CSMD1: variants seen among roughly 807,000 people sequenced by gnomAD.
CSMD1 encodes CUB and sushi domain-containing protein 1.
In CSMD1, 213 loss-of-function variants were observed where a neutral mutation model predicts 417.5. The ratio of observed to expected loss-of-function variants is 0.51; its 90% CI spans 0.46 to 0.57. The LOEUF (loss-of-function observed/expected upper bound fraction) is 0.57. CSMD1 is among the 20% of genes least tolerant of loss of function. The probability of loss-of-function intolerance (pLI) is 0.00; values close to 1 mark genes in which losing one functional copy is unlikely to be tolerated. For synonymous variants in CSMD1, 2,862 were observed against 1,736.8 expected (o/e 1.65, Z -16.11); for missense variants, 6,923 against 4,529.7 (o/e 1.53, Z -15.17).
At chr8:4,678,215 A>G (rs1805817311) in intron 1 of CSMD1, among the ~76,000 whole-genome samples, 1 of 151,458 alleles carries the variant, frequency 6.6e-6, no homozygotes, top group South Asian at 2.1e-4. Flanking sequence ...GTTCGAGGTC[A>G]GCCTGGCCAA....
chr8:3,280,211 A>T (rs1322329058), intron 26 of CSMD1, among the ~76,000 whole-genome samples: 2 of 152,190 alleles, frequency 1.3e-5, no homozygotes, highest in Non-Finnish European at 2.9e-5. Flanking sequence ...TTAAAGGAAG[A>T]GAAAGTAGTA....
chr8:2,999,813 T>G (rs1178131226), intron 53 of CSMD1, 145 bp downstream of exon 53: 1 of 632,514 alleles, frequency 1.6e-6, no homozygotes, highest in African/African-American at 1.9e-5. Context: ...ACCTCTCCTG[T>G]TCTCTTTCTT....
At position 3,609,451 on chromosome 8, in the gene CSMD1, C is replaced by T. The variant is rs145895709; in HGVS notation, c.1097+7259G>A. Reference sequence around the variant, plus strand: ...ACTGACTTGAATTCAAATAAGCAAGCTTTGTATTTTATGCTTTATTTTCTT... The same window carrying T: ...ACTGACTTGAATTCAAATAAGCAAGTTTTGTATTTTATGCTTTATTTTCTT... On this transcript the variant is annotated intron_variant, in intron 8 of 69. Transcript: ENST00000635120. Among the ~76,000 whole-genome samples the T allele has an allele frequency of 6.6e-3, 1,008 of 152,186 alleles. 6 individuals carry two copies. Among genetic ancestry groups the T allele is most frequent in the South Asian group, 0.015 (73 of 4,818 alleles).
At chr8:3,064,494 G>A (rs1028188549) in intron 49 of CSMD1, among the ~76,000 whole-genome samples, 1 of 152,206 alleles carries the variant, frequency 6.6e-6, no homozygotes, top group African/African-American at 2.4e-5. Flanking sequence ...AGAACTGTGA[G>A]TCAATTAGGC....
intron 23 of CSMD1, among the ~76,000 whole-genome samples, chr8:3,311,791 A>C (rs1584979130): frequency 6.7e-6 from 1 of 149,916 alleles, no homozygotes; most frequent in East Asian, 1.9e-4. Context: ...TATCAATCAT[A>C]AGAGATTTTC....
chr8:3,174,418 C>T (rs1185790612), intron 37 of CSMD1, among the ~76,000 whole-genome samples: 3 of 152,118 alleles, frequency 2.0e-5, no homozygotes, highest in Non-Finnish European at 2.9e-5. Context: ...TTGCTTGAAC[C>T]CAAGAGGTTG....
chr8:4,173,919 G>A (rs2656281), intron 3 of CSMD1, among the ~76,000 whole-genome samples: 26,560 of 152,012 alleles, frequency 0.17, 2,549 homozygotes, highest in East Asian at 0.29. Flanking sequence ...ATGGCTCAGG[G>A]TATGAACTAG....
At chr8:4,253,932 T>A (rs75949348) in intron 3 of CSMD1, among the ~76,000 whole-genome samples, 12,241 of 141,270 alleles carry the variant, frequency 0.087, 732 homozygotes, top group East Asian at 0.32. Flanking sequence ...TTTTTTTTTT[T>A]TTGAGATGGA....
intron 1 of CSMD1, among the ~76,000 whole-genome samples, chr8:4,700,675 C>G (rs901323712): frequency 7.2e-5 from 11 of 152,036 alleles, no homozygotes; most frequent in African/African-American, 2.4e-4. Context: ...AGAGAATATA[C>G]TATATTCTAC....
In CSMD1 at chr8:4,933,333, G is replaced by C. The variant is rs11995104; in HGVS notation, c.85+60999C>G. 1.2e-3 allele frequency among the ~76,000 whole-genome samples: 185 copies of C among 152,216 alleles called. 1 individual carries two copies. Among genetic ancestry groups the C allele is most frequent in the African/African-American group, 4.3e-3 (179 of 41,534 alleles). ...CTGTATAATCATGCATTAATATGCC[G>C]TTTAAATATAGTATCCCCCATTTTG... On this transcript the variant is annotated intron_variant, in intron 1 of 69. Transcript: ENST00000635120.
chr8:3,954,546 T>C (rs922710755), intron 5 of CSMD1, among the ~76,000 whole-genome samples: 4 of 152,164 alleles, frequency 2.6e-5, no homozygotes, highest in African/African-American at 9.7e-5. Context: ...TTTTTGTATT[T>C]TTAGTAGAGA....
intron 5 of CSMD1, among the ~76,000 whole-genome samples, chr8:3,790,342 GTGA>G (rs969405945): frequency 6.6e-6 from 1 of 152,054 alleles, no homozygotes; most frequent in Non-Finnish European, 1.5e-5. Flanking sequence ...GATGGTGATG[GTGA>G]TGATGATGGT....
chr8:4,283,871 G>A lies in CSMD1; in HGVS notation c.415+136082C>T, dbSNP rs1270155976. On this transcript the variant is annotated intron_variant, in intron 3 of 69. Transcript: ENST00000635120. ...AACAGTTTCATGTGCTGACCTCCAG[G>A]TCTTTCTCCATGTCTTATACATACA... Among the ~76,000 whole-genome samples, 5 of 152,136 alleles carry A rather than the reference G, an allele frequency of 3.3e-5. No individual in the cohort carries two copies. The East Asian group carries it at 5.8e-4, about 18-fold the overall frequency.
At chr8:4,041,409 C>CT (rs1797888502) in intron 3 of CSMD1, among the ~76,000 whole-genome samples, 1 of 152,188 alleles carries the variant, frequency 6.6e-6, no homozygotes, top group Non-Finnish European at 1.5e-5. Context: ...ATCAAGCTTA[C>CT]TACTACGAAA....
intron 41 of CSMD1, among the ~76,000 whole-genome samples, chr8:3,121,951 C>A (rs1817236721): frequency 6.6e-6 from 1 of 152,006 alleles, no homozygotes; most frequent in African/African-American, 2.4e-5. Context: ...TTATAATGCA[C>A]CTAAATATTA....
intron 25 of CSMD1, among the ~76,000 whole-genome samples, chr8:3,287,645 T>C (rs1162521772): frequency 3.3e-5 from 5 of 152,212 alleles, no homozygotes; most frequent in Non-Finnish European, 7.3e-5. Context: ...TTTTTGCACA[T>C]TGATTTTGTA....
chr8:4,759,394 C>T (rs138965440), intron 1 of CSMD1, among the ~76,000 whole-genome samples: 9 of 152,284 alleles, frequency 5.9e-5, no homozygotes, highest in Admixed American at 1.3e-4. Flanking sequence ...TATCCAATGG[C>T]ATCTGAGCAT....
intron 25 of CSMD1, among the ~76,000 whole-genome samples, chr8:3,286,314 T>A (rs988930022): frequency 3.3e-5 from 5 of 152,202 alleles, no homozygotes; most frequent in African/African-American, 1.2e-4. Flanking sequence ...TATAGCAGCA[T>A]GATTTATAAT....
chr8:3,222,069 C>G (rs948976861), intron 28 of CSMD1, among the ~76,000 whole-genome samples: 4 of 152,194 alleles, frequency 2.6e-5, no homozygotes, highest in African/African-American at 9.6e-5. Flanking sequence ...TGAGCACATG[C>G]AAACTCCAGA....
Sources: allele counts gnomAD v4.1 joint callset (sites outside exome capture counted in the v4.1 genomes callset), GRCh38; gene constraint gnomAD v4.1.1; transcripts MANE v1.5; gene names NCBI Gene and HGNC (gene_info 2026-07-23, HGNC 2026-07-21).